The following PCDH15 variants were observed in gnomAD, a reference collection of about 807,000 sequenced individuals.
The protein encoded by PCDH15 is protocadherin related 15, also known as protocadherin-15.
A neutral mutation model predicts 178.5 loss-of-function variants in PCDH15; 129 were observed. The observed-to-expected ratio is 0.72, with a 90% confidence interval of 0.63 to 0.84. The LOEUF (loss-of-function observed/expected upper bound fraction) is 0.84, where lower values mean the gene tolerates loss of function less well. Among genes scored for constraint, PCDH15 ranks in the 40% least tolerant of loss-of-function variants. The pLI is 0.00. For synonymous variants in PCDH15, 800 were observed against 732.0 expected (o/e 1.09, Z -1.50); for missense variants, 2,230 against 2,099.9 (o/e 1.06, Z -1.21).
chr10:54,834,947 C>T (rs1436825851), intron 3 of PCDH15, among the ~76,000 whole-genome samples: 1 of 152,120 alleles, frequency 6.6e-6, no homozygotes, highest in African/African-American at 2.4e-5. Context: ...AAAAAATCTG[C>T]TGAGGATCTC....
intron 2 of PCDH15, among the ~76,000 whole-genome samples, chr10:54,551,609 T>C (rs907533202): frequency 1.3e-5 from 2 of 152,138 alleles, no homozygotes; most frequent in African/African-American, 4.8e-5. Context: ...TTCTGAATAA[T>C]ACATACCCTT....
chr10:54,673,226 C>T (rs1462048692), intron 1 of PCDH15, among the ~76,000 whole-genome samples: 6 of 151,688 alleles, frequency 4.0e-5, no homozygotes, highest in Admixed American at 2.6e-4. Context: ...CCCCTAACCT[C>T]CCCACCCCCG....
rs184063626 is a variant in PCDH15, at chr10:54,926,635, T to C, written c.-79-29135A>G. On this transcript the variant is annotated intron_variant, in intron 2 of 5. Transcript: ENST00000458638. The stretch of plus-strand genomic sequence containing the variant: ...TTATAACTGATTCAATTTAGAGCCA[T>C]TAGTGGTCTGTTCAGGGATTAAATT... Among the ~76,000 whole-genome samples, 62 of 152,122 alleles carry C rather than the reference T, an allele frequency of 4.1e-4. 1 individual carries two copies. The highest frequency in any genetic ancestry group is 1.5e-3 in the African/African-American group (61 of 41,540).
At chr10:55,223,130 G>A (rs1241671170) in intron 1 of PCDH15, among the ~76,000 whole-genome samples, 3 of 152,016 alleles carry the variant, frequency 2.0e-5, no homozygotes, top group Non-Finnish European at 2.9e-5. Context: ...TTATGTGACC[G>A]AGGTATTAAT....
rs193203294 is a variant in PCDH15, at chr10:54,752,346, G to A, written c.-29+48579C>T. On this transcript the variant is annotated intron_variant, in intron 1 of 37. Coordinates refer to ENST00000644397, the MANE Select transcript of PCDH15 (RefSeq NM_001384140.1). ...CAAAAAATTAGCCGGGCGTGGTGGCGGGCGCCTGTAGTCCCAGCTACTCTG... is the reference window on the plus strand; with the variant it reads ...CAAAAAATTAGCCGGGCGTGGTGGCAGGCGCCTGTAGTCCCAGCTACTCTG... 1.8e-3 allele frequency among the ~76,000 whole-genome samples: 270 copies of A among 151,324 alleles called. 1 individual carries two copies. Among genetic ancestry groups the A allele is most frequent in the East Asian group, 0.012 (64 of 5,146 alleles).
At chr10:53,809,801 TA>T in intron 37 of PCDH15, among the ~76,000 whole-genome samples, 1 of 152,342 alleles carries the variant, frequency 6.6e-6, no homozygotes, top group Admixed American at 6.5e-5. Flanking sequence ...ACTCAACGTT[TA>T]ATTTTCCTCT....
At chr10:55,349,085 T>C (rs1345759273) in intron 2 of PCDH15, among the ~76,000 whole-genome samples, 1 of 152,108 alleles carries the variant, frequency 6.6e-6, no homozygotes, top group Non-Finnish European at 1.5e-5. Context: ...AGGAGAACTA[T>C]TGGGTCTATT....
chr10:54,431,116 A>G (rs1163669087), intron 3 of PCDH15, among the ~76,000 whole-genome samples: 6 of 152,172 alleles, frequency 3.9e-5, no homozygotes, highest in Admixed American at 6.5e-5. Context: ...AAGCTGTAAT[A>G]AAAACTATCC....
chr10:53,850,960 A>G (rs1226887207), intron 28 of PCDH15, among the ~76,000 whole-genome samples: 1 of 152,128 alleles, frequency 6.6e-6, no homozygotes, highest in Non-Finnish European at 1.5e-5. Context: ...CTAACTAAGG[A>G]CTTTCCATCT....
chr10:54,075,798 A>T (rs1472676700), intron 17 of PCDH15, among the ~76,000 whole-genome samples: 1 of 152,086 alleles, frequency 6.6e-6, no homozygotes, highest in Non-Finnish European at 1.5e-5. Context: ...ATTAAATTAC[A>T]TTGGCCTGTA....
intron 6 of PCDH15, among the ~76,000 whole-genome samples, chr10:54,330,936 G>T (rs1362089140): frequency 1.3e-5 from 2 of 151,574 alleles, no homozygotes; most frequent in Non-Finnish European, 2.9e-5. Context: ...GAAATATTTA[G>T]TTTGAATCTG....
intron 1 of PCDH15, among the ~76,000 whole-genome samples, chr10:55,271,364 G>T (rs1842439321): frequency 6.6e-6 from 1 of 151,704 alleles, no homozygotes; most frequent in African/African-American, 2.4e-5. Context: ...ATTACTTTTT[G>T]CCATAGAGAA....
At chr10:54,305,372 G>C (rs1293605407) in intron 8 of PCDH15, among the ~76,000 whole-genome samples, 1 of 151,832 alleles carries the variant, frequency 6.6e-6, no homozygotes, top group Non-Finnish European at 1.5e-5. Flanking sequence ...AAGTAATACT[G>C]TACACAGAAT....
intron 2 of PCDH15, among the ~76,000 whole-genome samples, chr10:54,993,805 TA>T (rs751589476): frequency 1.3e-5 from 2 of 152,154 alleles, no homozygotes; most frequent in Admixed American, 6.5e-5. Context: ...AAAATATATT[TA>T]TTTTTTGTTA....
intron 1 of PCDH15, among the ~76,000 whole-genome samples, chr10:54,685,791 C>G (rs939960912): frequency 4.6e-5 from 7 of 152,086 alleles, no homozygotes; most frequent in Non-Finnish European, 2.9e-5. Flanking sequence ...TCATCTAATA[C>G]AAAGTTAATT....
At chr10:54,458,244 G>A (rs1435659207) in intron 3 of PCDH15, among the ~76,000 whole-genome samples, 1 of 151,980 alleles carries the variant, frequency 6.6e-6, no homozygotes, top group Non-Finnish European at 1.5e-5. Context: ...CCCAACAGAA[G>A]CCCTTAGTCC....
chr10:54,837,737 T>C (rs894949125), intron 3 of PCDH15, among the ~76,000 whole-genome samples: 8 of 152,128 alleles, frequency 5.3e-5, no homozygotes, highest in Middle Eastern at 3.2e-3. Context: ...CAGCCATTCA[T>C]GAATGAAAAT....
In PCDH15 at chr10:53,805,392, G is replaced by T. The variant is rs914940811; in HGVS notation, c.*1187C>A. On this transcript the variant is annotated 3_prime_UTR_variant, in exon 38 of 38. Coordinates refer to ENST00000644397, the MANE Select transcript of PCDH15 (RefSeq NM_001384140.1). ...AACACACAAGGCAAGTTTTTTAAAG[G>T]ATATTCTGTTTTCATTTCTACTTAT... 2 of 151,882 alleles carry T rather than the reference G, an allele frequency of 1.3e-5. No individual in the cohort carries two copies. Among genetic ancestry groups the T allele is most frequent in the Admixed American group, 6.6e-5 (1 of 15,212 alleles). The allele number at this position is 151,882 out of a possible 1,614,324, so 9.4% of individuals were successfully genotyped here.
intron 2 of PCDH15, among the ~76,000 whole-genome samples, chr10:55,085,210 G>A (rs941100705): frequency 6.6e-6 from 1 of 151,650 alleles, no homozygotes; most frequent in Non-Finnish European, 1.5e-5. Context: ...ATAAAGAAAA[G>A]GTGGTATGGG....
Sources: allele counts gnomAD v4.1 joint callset (sites outside exome capture counted in the v4.1 genomes callset), GRCh38; gene constraint gnomAD v4.1.1; transcripts MANE v1.5; gene names NCBI Gene and HGNC (gene_info 2026-07-23, HGNC 2026-07-21).